TSHZ3: variants seen among roughly 807,000 people sequenced by gnomAD.
TSHZ3 encodes the protein teashirt zinc finger homeobox 3.
A neutral mutation model predicts 64.5 loss-of-function variants in TSHZ3; 10 were observed. The observed-to-expected ratio is 0.16, with a 90% confidence interval of 0.10 to 0.26. TSHZ3 has a LOEUF of 0.26. Ranked by LOEUF, TSHZ3 falls within the 10% of genes least tolerant of loss-of-function variation. The pLI is 1.00. For missense variants in TSHZ3, 1,242 were observed against 1,421.7 expected, an observed-to-expected ratio of 0.87 and a Z score of 2.03; for synonymous variants, 608 against 593.1, an observed-to-expected ratio of 1.03 and a Z score of -0.36.
At chr19:31,342,618 A>G (rs1017207094) in intron 1 of TSHZ3, among the ~76,000 whole-genome samples, 10 of 152,262 alleles carry the variant, frequency 6.6e-5, no homozygotes, top group Non-Finnish European at 1.5e-4. Flanking sequence ...GCATTTCTCA[A>G]AGAACTCAGA....
At chr19:31,310,178 T>A (rs1470527791) in intron 1 of TSHZ3, among the ~76,000 whole-genome samples, 3 of 152,186 alleles carry the variant, frequency 2.0e-5, no homozygotes, top group East Asian at 3.9e-4. Context: ...CTCCACTCGG[T>A]GTCTCAACCT....
At chr19:31,156,339 T>C in intron 6 of TSHZ3, among the ~76,000 whole-genome samples, 1 of 152,200 alleles carries the variant, frequency 6.6e-6, no homozygotes, top group East Asian at 1.9e-4. Flanking sequence ...ACAATAATAA[T>C]TCCAGTCTCC....
intron 1 of TSHZ3, among the ~76,000 whole-genome samples, chr19:31,243,252 T>G (rs1975719325): frequency 6.6e-6 from 1 of 152,204 alleles, no homozygotes; most frequent in South Asian, 2.1e-4. Flanking sequence ...TTTTCTCCAC[T>G]GCACTTAGAA....
At chr19:31,259,506 A>C (rs1405740872) in intron 1 of TSHZ3, among the ~76,000 whole-genome samples, 1 of 152,042 alleles carries the variant, frequency 6.6e-6, no homozygotes, top group Admixed American at 6.5e-5. Context: ...TGCGTCTGAG[A>C]AATGGTCGTT....
chr19:31,227,480 T>C (rs1371180431), intron 4 of TSHZ3, among the ~76,000 whole-genome samples: 1 of 152,066 alleles, frequency 6.6e-6, no homozygotes, highest in Non-Finnish European at 1.5e-5. Flanking sequence ...CTGAAGAGAC[T>C]GGGCCAACTC....
intron 4 of TSHZ3, among the ~76,000 whole-genome samples, chr19:31,206,125 ATGG>A (rs1975168443): frequency 6.7e-6 from 1 of 148,814 alleles, no homozygotes; most frequent in African/African-American, 2.5e-5. Context: ...GGATGGATGG[ATGG>A]ATAAATGAAT....
chr19:31,155,733 T>A (rs1240852986), intron 6 of TSHZ3, among the ~76,000 whole-genome samples: 3 of 152,192 alleles, frequency 2.0e-5, no homozygotes, highest in Non-Finnish European at 4.4e-5. Context: ...TAATTTGACT[T>A]CTATCTTGCC....
chr19:31,183,118 C>T (rs1472003133), intron 5 of TSHZ3, among the ~76,000 whole-genome samples: 1 of 151,948 alleles, frequency 6.6e-6, no homozygotes, highest in Non-Finnish European at 1.5e-5. Flanking sequence ...AGCCTACCAG[C>T]CTGCCCTGCA....
At chr19:31,168,108 A>AG (rs1240223953) in intron 5 of TSHZ3, among the ~76,000 whole-genome samples, 6 of 152,190 alleles carry the variant, frequency 3.9e-5, no homozygotes, top group African/African-American at 1.2e-4. Context: ...TAAAACTGTG[A>AG]GGGGAAAAAG....
chr19:31,274,008 CGA>C (rs1030149739), downstream of TSHZ3, among the ~76,000 whole-genome samples: 4 of 151,926 alleles, frequency 2.6e-5, no homozygotes, highest in Admixed American at 2.6e-4. Context: ...GATGGAATGC[CGA>C]GAGAAAACAG....
At position 31,278,865 on chromosome 19, in the gene TSHZ3, T is replaced by G. The variant is rs750249835; in HGVS notation, c.928A>C (p.Thr310Pro). ...YQKVPLKEPVTPVAAKIIPAT... is the reference protein window; with the variant it reads ...YQKVPLKEPVPPVAAKIIPAT... ...GGGATGATTTTGGCGGCGACAGGAG[T>G]GACGGGTTCCTTCAGAGGCACTTTT... The change falls in exon 2 of 2, where the codon ACT becomes CCT. Residue 310 changes from threonine (T) to proline (P), a missense_variant. Thr to Pro is a conservative substitution (Grantham distance 38). Coordinates refer to ENST00000240587, the MANE Select transcript of TSHZ3 (RefSeq NM_020856.4). The surrounding 1 kb of genome is among the most constrained non-coding windows in gnomAD (Gnocchi z 4.7). 3.1e-6 allele frequency: 5 copies of G among 1,613,804 alleles called. No homozygotes were observed. Among genetic ancestry groups the G allele is most frequent in the Non-Finnish European group, 4.2e-6 (5 of 1,179,974 alleles).
chr19:31,177,533 G>A (rs1368909440), intron 5 of TSHZ3, among the ~76,000 whole-genome samples: 1 of 152,210 alleles, frequency 6.6e-6, no homozygotes, highest in Non-Finnish European at 1.5e-5. Context: ...GCATGCCTTT[G>A]GGTCTCCTCT....
intron 1 of TSHZ3, among the ~76,000 whole-genome samples, chr19:31,266,170 C>T (rs1976051668): frequency 6.6e-6 from 1 of 152,176 alleles, no homozygotes. Context: ...TCTTAAGCAA[C>T]ACTTAAGTGG....
intron 4 of TSHZ3, among the ~76,000 whole-genome samples, chr19:31,215,889 A>AT (rs1203648171): frequency 6.6e-6 from 1 of 151,856 alleles, no homozygotes; most frequent in Non-Finnish European, 1.5e-5. Context: ...AGGTATTATA[A>AT]TTTTTTTCTA....
intron 1 of TSHZ3, among the ~76,000 whole-genome samples, chr19:31,258,154 G>T (rs10409038): frequency 0.32 from 49,249 of 152,038 alleles, 11,494 homozygotes; most frequent in African/African-American, 0.65. Context: ...CCCATCCATG[G>T]TATCTTACAA....
chr19:31,152,735 G>T (rs1290092603), intron 6 of TSHZ3, among the ~76,000 whole-genome samples: 1 of 152,086 alleles, frequency 6.6e-6, no homozygotes, highest in Admixed American at 6.5e-5. Flanking sequence ...GTCCATTCCT[G>T]ATCCTAACTT....
intron 1 of TSHZ3, among the ~76,000 whole-genome samples, chr19:31,325,750 C>T (rs1380517688): frequency 6.6e-6 from 1 of 152,150 alleles, no homozygotes; most frequent in Non-Finnish European, 1.5e-5. Flanking sequence ...CACTATGGTA[C>T]TGTTTGTCAA....
At chr19:31,300,429 T>A (rs1163921855) in intron 1 of TSHZ3, among the ~76,000 whole-genome samples, 1 of 152,226 alleles carries the variant, frequency 6.6e-6, no homozygotes, top group African/African-American at 2.4e-5. Context: ...GATATGATTA[T>A]AATTGAACAC....
chr19:31,213,355 T>TCCAAAAAA (rs1975284994), intron 4 of TSHZ3, among the ~76,000 whole-genome samples: 1 of 3,538 alleles, frequency 2.8e-4, no homozygotes, highest in African/African-American at 9.1e-4. Context: ...AGACTCTGTC[T>TCCAAAAAA]CAAAAAAAAA....
Sources: allele counts gnomAD v4.1 joint callset (sites outside exome capture counted in the v4.1 genomes callset), GRCh38; gene constraint gnomAD v4.1.1; non-coding constraint Gnocchi (gnomAD v3.1); transcripts MANE v1.5; gene names NCBI Gene and HGNC (gene_info 2026-07-23, HGNC 2026-07-21).